The following EXOC6B variants were observed in gnomAD, a reference collection of about 807,000 sequenced individuals.
The protein encoded by EXOC6B is SEC15 homolog B.
EXOC6B carries 54 observed loss-of-function variants against 113.5 expected under a neutral mutation model. The observed-to-expected ratio is 0.48, with a 90% CI of 0.38 to 0.60. EXOC6B has a LOEUF of 0.60. Ranked by LOEUF, EXOC6B falls within the 20% of genes least tolerant of loss-of-function variation. The pLI is 0.00. For missense variants in EXOC6B, 797 were observed against 977.5 expected (o/e 0.82, Z 2.46); for synonymous variants, 357 against 339.0 (o/e 1.05, Z -0.58).
At chr2:72,697,268 T>TC (rs1677964134) in intron 6 of EXOC6B, among the ~76,000 whole-genome samples, 10 of 152,144 alleles carry the variant, frequency 6.6e-5, no homozygotes, top group Non-Finnish European at 1.0e-4. Flanking sequence ...AATACAGATA[T>TC]TGGGCACAAA....
intron 19 of EXOC6B, among the ~76,000 whole-genome samples, chr2:72,369,230 G>C (rs1037575140): frequency 1.6e-4 from 24 of 151,832 alleles, no homozygotes; most frequent in African/African-American, 5.8e-4. Flanking sequence ...AACAGACAGA[G>C]AGCCAAATCA....
At chr2:72,277,926 T>C (rs531636627) in intron 20 of EXOC6B, among the ~76,000 whole-genome samples, 6 of 152,306 alleles carry the variant, frequency 3.9e-5, no homozygotes, top group African/African-American at 7.2e-5. Flanking sequence ...CTTCCAAGGT[T>C]ACTAATTTTG....
At chr2:72,730,579 G>GACACACAC (rs3034987) in intron 5 of EXOC6B, among the ~76,000 whole-genome samples, 6,848 of 144,436 alleles carry the variant, frequency 0.047, 218 homozygotes, top group African/African-American at 0.088. Flanking sequence ...AACAGACAGA[G>GACACACAC]ACACACACAC....
chr2:72,409,383 T>A (rs986286713), intron 18 of EXOC6B, among the ~76,000 whole-genome samples: 1 of 152,152 alleles, frequency 6.6e-6, no homozygotes, highest in Non-Finnish European at 1.5e-5. Context: ...ACCCAAAGGA[T>A]TACAAATCAT....
chr2:72,286,686 T>C (rs1006643109), intron 20 of EXOC6B, among the ~76,000 whole-genome samples: 19 of 152,124 alleles, frequency 1.2e-4, no homozygotes, highest in African/African-American at 4.6e-4. Flanking sequence ...TTATCACATG[T>C]AACATACCAC....
chr2:72,194,659 A>G (rs919007037), intron 20 of EXOC6B, among the ~76,000 whole-genome samples: 1 of 151,910 alleles, frequency 6.6e-6, no homozygotes, highest in Non-Finnish European at 1.5e-5. Flanking sequence ...TCACACCTAG[A>G]AAGCTGCAGA....
At chr2:72,702,492 G>T (rs1335886309) in intron 6 of EXOC6B, among the ~76,000 whole-genome samples, 368 of 98,628 alleles carry the variant, frequency 3.7e-3, no homozygotes, top group Admixed American at 5.5e-3. Context: ...CTGAGGAGTC[G>T]CCACACTGAC....
intron 17 of EXOC6B, among the ~76,000 whole-genome samples, chr2:72,472,152 C>G (rs1698451104): frequency 1.3e-5 from 2 of 152,158 alleles, no homozygotes; most frequent in African/African-American, 4.8e-5. Flanking sequence ...CTATTTTCAT[C>G]AAGAATATTG....
chr2:72,397,379 G>C (rs778504157), intron 18 of EXOC6B, among the ~76,000 whole-genome samples: 31 of 152,082 alleles, frequency 2.0e-4, no homozygotes, highest in Non-Finnish European at 4.1e-4. Flanking sequence ...TCAGCACTTT[G>C]GGAGGCCGAG....
intron 6 of EXOC6B, among the ~76,000 whole-genome samples, chr2:72,701,532 A>C (rs1678345596): frequency 6.6e-6 from 1 of 152,184 alleles, no homozygotes; most frequent in African/African-American, 2.4e-5. Context: ...CCCTAAATGC[A>C]TATGTCAAAA....
At chr2:72,253,229 G>A (rs550495345) in intron 20 of EXOC6B, among the ~76,000 whole-genome samples, 4 of 152,304 alleles carry the variant, frequency 2.6e-5, no homozygotes, top group Admixed American at 2.0e-4. Context: ...AAAAGGAAAT[G>A]CTTATACACT....
At chr2:72,727,502 G>T (rs1202529965) in intron 5 of EXOC6B, among the ~76,000 whole-genome samples, 1 of 152,136 alleles carries the variant, frequency 6.6e-6, no homozygotes, top group East Asian at 1.9e-4. Context: ...GGATTCTTTT[G>T]CTAGAAAGAA....
chr2:72,505,722 T>C (rs1348685374), intron 11 of EXOC6B, among the ~76,000 whole-genome samples: 1 of 152,168 alleles, frequency 6.6e-6, no homozygotes, highest in African/African-American at 2.4e-5. Context: ...TTTTAATTTC[T>C]GAATGACATT....
rs76581910 is a variant in EXOC6B, at chr2:72,677,921, G to A, written c.669+40182C>T. Among the ~76,000 whole-genome samples the A allele has an allele frequency of 8.0e-3, 1,212 of 152,226 alleles. 16 individuals carry two copies. Among genetic ancestry groups the A allele is most frequent in the African/African-American group, 0.028 (1,165 of 41,556 alleles). On this transcript the variant is annotated intron_variant, in intron 6 of 21. Coordinates refer to ENST00000272427, the MANE Select transcript of EXOC6B (RefSeq NM_015189.3). Reference sequence around the variant, plus strand: ...TATTTTTAAGACATGCATGGTCTAAGGACAATCAACCACTGGAATTCCTAA... The same window carrying A: ...TATTTTTAAGACATGCATGGTCTAAAGACAATCAACCACTGGAATTCCTAA...
At chr2:72,820,122 C>T (rs1012071819) in intron 1 of EXOC6B, among the ~76,000 whole-genome samples, 9 of 152,088 alleles carry the variant, frequency 5.9e-5, no homozygotes, top group Admixed American at 4.6e-4. Flanking sequence ...ATCAAATGAC[C>T]TTAAATAAAA....
intron 18 of EXOC6B, among the ~76,000 whole-genome samples, chr2:72,448,436 C>A (rs1338876179): frequency 6.6e-6 from 1 of 151,992 alleles, no homozygotes; most frequent in Non-Finnish European, 1.5e-5. Flanking sequence ...ATGTGACAAA[C>A]AATATATTTT....
chr2:72,705,379 G>A (rs891542316), intron 6 of EXOC6B, among the ~76,000 whole-genome samples: 41 of 152,064 alleles, frequency 2.7e-4, no homozygotes, highest in African/African-American at 9.9e-4. Context: ...CATACTGAAT[G>A]GGAAAAAACT....
At chr2:72,644,311 C>A (rs938537602) in intron 6 of EXOC6B, among the ~76,000 whole-genome samples, 12 of 152,136 alleles carry the variant, frequency 7.9e-5, no homozygotes, top group Non-Finnish European at 1.5e-4. Context: ...AAGACCAAAT[C>A]CACGTTTGAT....
At chr2:72,439,116 G>T (rs1043175713) in intron 18 of EXOC6B, among the ~76,000 whole-genome samples, 12 of 152,084 alleles carry the variant, frequency 7.9e-5, no homozygotes, top group Non-Finnish European at 4.4e-5. Context: ...AAACAATTCT[G>T]CCAATCTCAC....
Sources: allele counts gnomAD v4.1 joint callset (sites outside exome capture counted in the v4.1 genomes callset), GRCh38; gene constraint gnomAD v4.1.1; transcripts MANE v1.5; gene names NCBI Gene and HGNC (gene_info 2026-07-23, HGNC 2026-07-21).